The following EYA1 variants were observed in gnomAD, a reference collection of about 807,000 sequenced individuals.
EYA1 encodes EYA transcriptional coactivator and phosphatase 1.
EYA1 carries 16 observed loss-of-function variants against 82.0 expected under a neutral mutation model. The ratio of observed to expected loss-of-function variants is 0.20; its 90% CI spans 0.13 to 0.30. EYA1 has a LOEUF of 0.30. EYA1 is among the 10% of genes least tolerant of loss of function. The pLI, the probability that EYA1 is intolerant of heterozygous loss-of-function variation, is 1.00. For synonymous variants in EYA1, 261 were observed against 264.4 expected (o/e 0.99, Z 0.12); for missense variants, 633 against 730.7 (o/e 0.87, Z 1.54).
rs765485485 is a variant in EYA1 at position 71,322,179 on chromosome 8, T to A, written c.272+20A>T. 3.8e-6 allele frequency: 6 copies of A among 1,597,122 alleles called. No homozygotes were observed. Among genetic ancestry groups the A allele is most frequent in the Non-Finnish European group, 5.2e-6 (6 of 1,164,496 alleles). On this transcript the variant is annotated intron_variant, in intron 5 of 17. Coordinates refer to ENST00000340726, the MANE Select transcript of EYA1 (RefSeq NM_000503.6). ...CTACTCAGAGAAGTTATTTATTGAT[T>A]AAGAGAAAATACATCTTACTTGGAA...
intron 11 of EYA1, among the ~76,000 whole-genome samples, chr8:71,256,114 C>A (rs1286942004): frequency 1.3e-5 from 2 of 152,082 alleles, no homozygotes; most frequent in Admixed American, 1.3e-4. Flanking sequence ...CTGGTGGGAA[C>A]ATAAAATGCT....
intron 2 of EYA1, among the ~76,000 whole-genome samples, chr8:71,447,098 AT>A (rs1806949504): frequency 1.3e-5 from 2 of 149,968 alleles, no homozygotes; most frequent in South Asian, 4.2e-4. Flanking sequence ...ATATATATAT[AT>A]ATATAAAATT....
chr8:71,291,727 T>G (rs1704447049), intron 9 of EYA1, among the ~76,000 whole-genome samples: 1 of 152,152 alleles, frequency 6.6e-6, no homozygotes, highest in African/African-American at 2.4e-5. Flanking sequence ...GCCTCAACAT[T>G]CTTGATTAAC....
intron 2 of EYA1, among the ~76,000 whole-genome samples, chr8:71,389,259 T>G (rs907169619): frequency 6.6e-6 from 1 of 152,172 alleles, no homozygotes; most frequent in African/African-American, 2.4e-5. Flanking sequence ...GGTTATTTGT[T>G]TATCTTTTTT....
At chr8:71,216,935 G>T (rs1213931439) in intron 13 of EYA1, 30 bp downstream of exon 13, 11 of 1,611,466 alleles carry the variant, frequency 6.8e-6, no homozygotes, top group Admixed American at 1.7e-5. Flanking sequence ...ATAAAAGGGA[G>T]ATGGTCACTT....
intron 11 of EYA1, among the ~76,000 whole-genome samples, chr8:71,257,988 T>C (rs1563708821): frequency 2.6e-5 from 4 of 152,200 alleles, no homozygotes; most frequent in Non-Finnish European, 5.9e-5. Context: ...TACTAGAGAA[T>C]GGCTCTCATG....
chr8:71,528,458 G>T (rs1042500770), intron 2 of EYA1, among the ~76,000 whole-genome samples: 9 of 152,200 alleles, frequency 5.9e-5, no homozygotes, highest in African/African-American at 2.2e-4. Flanking sequence ...GGTGCCCAAT[G>T]TGAACTTTGA....
chr8:71,250,607 G>C (rs1294463109), intron 11 of EYA1, among the ~76,000 whole-genome samples: 1 of 152,144 alleles, frequency 6.6e-6, no homozygotes, highest in Non-Finnish European at 1.5e-5. Context: ...CAAAAAGAGG[G>C]TATCAATCCT....
intron 2 of EYA1, among the ~76,000 whole-genome samples, chr8:71,457,025 A>C (rs1807981852): frequency 6.6e-6 from 1 of 151,980 alleles, no homozygotes. Context: ...ACAAAGGGCT[A>C]ATATCCAGAA....
intron 9 of EYA1, among the ~76,000 whole-genome samples, chr8:71,273,070 T>G (rs16937542): frequency 0.088 from 13,449 of 152,220 alleles, 1,048 homozygotes; most frequent in East Asian, 0.43. Flanking sequence ...AAGCCTTGAG[T>G]CAGAGTAGAT....
At chr8:71,335,856 T>C (rs73684752) in intron 3 of EYA1, among the ~76,000 whole-genome samples, 5,437 of 152,162 alleles carry the variant, frequency 0.036, 220 homozygotes, top group African/African-American at 0.1. Flanking sequence ...AAGCAATCGT[T>C]CTATTTCACT....
Position 71,197,711 on chromosome 8 carries a change from A to C in EYA1, c.*1629T>G, listed in dbSNP as rs1806411697. 1 of 152,668 alleles carries C rather than the reference A, an allele frequency of 6.6e-6. No individual in the cohort carries two copies. Among genetic ancestry groups the C allele is most frequent in the Non-Finnish European group, 1.5e-5 (1 of 68,040 alleles). The allele number at this position is 152,668 out of a possible 1,614,324, so 9.5% of individuals were successfully genotyped here. On this transcript the variant is annotated 3_prime_UTR_variant, in exon 18 of 18. Coordinates refer to ENST00000340726, the MANE Select transcript of EYA1 (RefSeq NM_000503.6). ...CTAGCAGCAACACACAACTTCAGAA[A>C]AGAATGAAGTAGCTCTTCAACTACT...
chr8:71,244,354 CAA>C (rs1233475947), intron 12 of EYA1, among the ~76,000 whole-genome samples: 1 of 152,144 alleles, frequency 6.6e-6, no homozygotes. Flanking sequence ...TGATAATCAA[CAA>C]AGTTTAAGAT....
intron 2 of EYA1, among the ~76,000 whole-genome samples, chr8:71,491,125 G>A (rs767079354): frequency 3.7e-4 from 57 of 152,180 alleles, no homozygotes; most frequent in Non-Finnish European, 7.5e-4. Context: ...TATAAAGCAC[G>A]TATAGCTGAG....
At chr8:71,542,516 C>A (rs1343250468) in intron 1 of EYA1, among the ~76,000 whole-genome samples, 1 of 152,182 alleles carries the variant, frequency 6.6e-6, no homozygotes. Context: ...TAGTGCTGCA[C>A]TGAACATACA....
At chr8:71,499,624 G>A (rs1199110717) in intron 2 of EYA1, among the ~76,000 whole-genome samples, 1 of 152,160 alleles carries the variant, frequency 6.6e-6, no homozygotes, top group African/African-American at 2.4e-5. Flanking sequence ...CAGGAATGGG[G>A]GTGGGTTGAA....
chr8:71,537,470 CT>C (rs1270136110), intron 1 of EYA1, among the ~76,000 whole-genome samples: 1 of 152,146 alleles, frequency 6.6e-6, no homozygotes. Context: ...GCTTAAGTTA[CT>C]CTTAGGAGGC....
chr8:71,199,142 C>A lies in EYA1; in HGVS notation c.*198G>T. On this transcript the variant is annotated 3_prime_UTR_variant, in exon 18 of 18. Transcript: ENST00000340726. ...GCTTATTTTCACTGGATTCACAGTACTAGAGTCAACAGCTGTTCTGATGAA... is the reference window on the plus strand; with the variant it reads ...GCTTATTTTCACTGGATTCACAGTAATAGAGTCAACAGCTGTTCTGATGAA... The A allele has an allele frequency of 1.5e-6, 1 of 646,430 alleles. No homozygotes were observed. The highest frequency in any genetic ancestry group is 2.8e-6 in the Non-Finnish European group (1 of 354,822). 40.0% of individuals were successfully genotyped at this position (646,430 alleles called of 1,614,324 possible).
intron 7 of EYA1, 104 bp downstream of exon 7, chr8:71,317,448 A>T: frequency 8.1e-7 from 1 of 1,229,246 alleles, no homozygotes; most frequent in Non-Finnish European, 1.2e-6. Flanking sequence ...AGCCCAATCC[A>T]GTTGCCATCA....
Sources: gnomAD v4.1 joint callset for allele counts (sites outside exome capture counted in the v4.1 genomes callset) on GRCh38, gnomAD v4.1.1 for gene constraint, MANE v1.5 for transcripts, NCBI Gene and HGNC (gene_info 2026-07-23, HGNC 2026-07-21) for gene names.